The following RPGR variants were observed in gnomAD, a reference collection of about 807,000 sequenced individuals.
The protein encoded by RPGR is X-linked retinitis pigmentosa GTPase regulator.
In RPGR, 10 loss-of-function variants were observed where a neutral mutation model predicts 56.3. That is an observed-to-expected ratio of 0.18 (90% CI 0.11 to 0.30). RPGR has a LOEUF of 0.30. RPGR is among the 10% of genes least tolerant of loss of function. The pLI, the probability that RPGR is intolerant of heterozygous loss-of-function variation, is 1.00. For synonymous variants in RPGR, 197 were observed against 212.9 expected (o/e 0.93, Z 0.65); for missense variants, 538 against 590.9 (o/e 0.91, Z 0.93).
At chrX:38,327,215 A>G in intron 1 of RPGR, 125 bp downstream of exon 1, 1 of 682,316 alleles carries the variant, frequency 1.5e-6, no homozygotes, top group Admixed American at 3.6e-5. Flanking sequence ...GCAACCAGCG[A>G]TCCCGCCCCA....
intron 3 of RPGR, 113 bp downstream of exon 3, chrX:38,322,740 C>A: frequency 1.7e-6 from 1 of 582,270 alleles, no homozygotes; most frequent in Non-Finnish European, 2.8e-6. Context: ...AATATTCAAG[C>A]AAATGTCAGA....
intron 15 of RPGR, chrX:38,279,247 C>G (rs1253956473): frequency 3.1e-6 from 1 of 327,553 alleles, no homozygotes; most frequent in Non-Finnish European, 5.9e-6. Flanking sequence ...TAAGTACATT[C>G]TTGGCACTAG....
At chrX:38,325,778 C>T (rs888273721) in intron 1 of RPGR, 1 of 111,586 alleles carries the variant, frequency 9.0e-6, no homozygotes, top group African/African-American at 3.3e-5. Flanking sequence ...ATTACCTGAT[C>T]TGAGTAGTAT....
chrX:38,279,716 C>T (rs369480991), intron 15 of RPGR, among the ~76,000 whole-genome samples: 1 of 84,785 alleles, frequency 1.2e-5, no homozygotes, highest in Non-Finnish European at 2.6e-5. Flanking sequence ...CACTTTTGTC[C>T]GTGGGTATTA....
At position 38,291,497 on chromosome X, in the gene RPGR, A is replaced by G; in HGVS notation, c.1415-13T>C. On this transcript the variant is annotated splice_polypyrimidine_tract_variant and intron_variant, in intron 11 of 18. Transcript: ENST00000642395. ...TCTAGCAAATAATCTGAATGATTAAATGGGAAAAAGGAAATCCAGATTTCA... is the reference window on the plus strand; with the variant it reads ...TCTAGCAAATAATCTGAATGATTAAGTGGGAAAAAGGAAATCCAGATTTCA... The G allele has an allele frequency of 1.0e-6, 1 of 996,437 alleles. No homozygotes were observed. The highest frequency in any genetic ancestry group is 1.4e-6 in the Non-Finnish European group (1 of 702,995). The allele number at this position is 996,437 out of a possible 1,213,427, so 82.1% of individuals were successfully genotyped here.
chrX:38,273,386 C>A lies in RPGR; in HGVS notation c.2241G>T (p.Lys747Asn), dbSNP rs757598542. 1 of 1,186,695 alleles carries A rather than the reference C, an allele frequency of 8.4e-7. No individual in the cohort carries two copies. Among genetic ancestry groups the A allele is most frequent in the Non-Finnish European group, 1.1e-6 (1 of 876,801 alleles). ...AAAAAAGACAATTCATTTCACTTAC[C>A]TTCTTTGTTTTTTTCATGTCTTTGC... The change falls in exon 18 of 19, where the codon AAG becomes AAT. Residue 747 changes from lysine to asparagine, a missense_variant and splice_region_variant. Physicochemically the swap from Lys to Asn is moderately conservative, Grantham distance 94 (BLOSUM62 0). Transcript: ENST00000642395.
rs55904130 is a variant in RPGR, at chrX:38,298,367, T to C, written c.1245+589A>G. 207 of 316,911 alleles carry C rather than the reference T, an allele frequency of 6.5e-4. 1 individual carries two copies. The highest frequency in any genetic ancestry group is 2.9e-3 in the Middle Eastern group (6 of 2,050). 26.1% of individuals were successfully genotyped at this position (316,911 alleles called of 1,213,427 possible). On this transcript the variant is annotated intron_variant, in intron 10 of 18. Transcript: ENST00000642395. ...AATTTAATTGAGAGAATATTTCCTC[T>C]CTCTAATTGAAGTCCTTATTCCTTT...
At chrX:38,280,078 T>A (rs1452441287) in intron 15 of RPGR, among the ~76,000 whole-genome samples, 1 of 111,318 alleles carries the variant, frequency 9.0e-6, no homozygotes, top group Non-Finnish European at 1.9e-5. Flanking sequence ...ACCCAGTGAA[T>A]GTATTTTATA....
At position 38,297,952 on chromosome X, in the gene RPGR, T is replaced by C. The variant is rs376453126; in HGVS notation, c.1246-500A>G. On this transcript the variant is annotated intron_variant, in intron 10 of 18. Coordinates refer to ENST00000642395, the MANE Select transcript of RPGR (RefSeq NM_000328.3). ...AGGAATGTTACCTTCAAAAATTATT[T>C]GCCATTTACTTTAAAAAACAGGTAT... Among the ~76,000 whole-genome samples the C allele has an allele frequency of 2.6e-4, 29 of 112,128 alleles. No individual in the cohort carries two copies. The South Asian group carries it at 8.1e-3, about 31-fold the overall frequency.
At chrX:38,287,434 A>G in intron 14 of RPGR, 189 bp from the exon 15 acceptor site, 1 of 675,629 alleles carries the variant, frequency 1.5e-6, no homozygotes, top group Non-Finnish European at 2.4e-6. Context: ...TCCATCAGCT[A>G]TACCCTGTTG....
intron 17 of RPGR, among the ~76,000 whole-genome samples, chrX:38,274,390 A>G (rs979346049): frequency 8.9e-6 from 1 of 112,408 alleles, no homozygotes; most frequent in African/African-American, 3.2e-5. Flanking sequence ...CCAGCCCAGT[A>G]GTCCCAACTT....
chrX:38,289,713 T>C (rs954873759), intron 13 of RPGR, among the ~76,000 whole-genome samples: 1 of 112,658 alleles, frequency 8.9e-6, no homozygotes, highest in Non-Finnish European at 1.9e-5. Flanking sequence ...GGGCCTAAAC[T>C]TAAAAAGACT....
chrX:38,323,327 G>T, intron 2 of RPGR, 72 bp downstream of exon 2: 1 of 939,163 alleles, frequency 1.1e-6, no homozygotes, highest in Non-Finnish European at 1.5e-6. Flanking sequence ...TTAAAACACA[G>T]CAGCATATCT....
chrX:38,309,687 G>A (rs2067674443), intron 7 of RPGR, among the ~76,000 whole-genome samples: 1 of 111,396 alleles, frequency 9.0e-6, no homozygotes, highest in Non-Finnish European at 1.9e-5. Context: ...AATTAGCTGG[G>A]CATGGTAGTG....
At chrX:38,314,625 A>G (rs890827705) in intron 6 of RPGR, among the ~76,000 whole-genome samples, 3 of 112,114 alleles carry the variant, frequency 2.7e-5, no homozygotes, top group Non-Finnish European at 5.6e-5. Flanking sequence ...CACAGCAATC[A>G]GGGATAATAC....
intron 12 of RPGR, among the ~76,000 whole-genome samples, 159 bp downstream of exon 12, chrX:38,291,234 T>C (rs2067274456): frequency 9.2e-6 from 1 of 108,944 alleles, no homozygotes; most frequent in African/African-American, 3.3e-5. Context: ...AATTTTATTG[T>C]ATGTGAATTA....
intron 6 of RPGR, among the ~76,000 whole-genome samples, chrX:38,312,760 A>G (rs2067745200): frequency 9.0e-6 from 1 of 111,649 alleles, no homozygotes; most frequent in South Asian, 3.8e-4. Flanking sequence ...TCTGGGCAAC[A>G]TGGTGAAACC....
chrX:38,295,349 G>A (rs1198898641), intron 11 of RPGR, among the ~76,000 whole-genome samples: 2 of 112,260 alleles, frequency 1.8e-5, no homozygotes, highest in Admixed American at 1.9e-4. Flanking sequence ...GTCTGTGAAT[G>A]ATTTAGAAAA....
In RPGR at chrX:38,269,773, C is replaced by T. The variant is rs749909061; in HGVS notation, c.2301G>A (p.Glu767=). The T allele has an allele frequency of 7.4e-6, 9 of 1,208,440 alleles. No homozygotes were observed. The highest frequency in any genetic ancestry group is 4.4e-5 in the Admixed American group (2 of 45,655). Residue 767 remains glutamate, a synonymous_variant, in exon 19 of 19, where the codon GAG becomes GAA. Coordinates refer to ENST00000642395, the MANE Select transcript of RPGR (RefSeq NM_000328.3). Reference sequence around the variant, plus strand: ...CTATGGATTTTATCTCTGGGAGCGGCTCATTGTTATTCTTGACAATCTTTT... The same window carrying T: ...CTATGGATTTTATCTCTGGGAGCGGTTCATTGTTATTCTTGACAATCTTTT...
Sources: allele counts gnomAD v4.1 joint callset (sites outside exome capture counted in the v4.1 genomes callset), GRCh38; gene constraint gnomAD v4.1.1; transcripts MANE v1.5; gene names NCBI Gene and HGNC (gene_info 2026-07-23, HGNC 2026-07-21).